FAM228A: variants seen among roughly 807,000 people sequenced by gnomAD.
FAM228A encodes family with sequence similarity 228 member A, also known as protein FAM228A.
In FAM228A, 13 loss-of-function variants were observed where a neutral mutation model predicts 18.6. That is an observed-to-expected ratio of 0.70 (90% confidence interval 0.45 to 1.11). The LOEUF is 1.11. Ranked by LOEUF, FAM228A falls within the 50% of genes least tolerant of loss-of-function variation. The pLI is 0.00. For missense variants in FAM228A, 240 were observed against 242.2 expected, an observed-to-expected ratio of 0.99 and a Z score of 0.06; for synonymous variants, 77 against 86.6, an observed-to-expected ratio of 0.89 and a Z score of 0.61.
chr2:24,182,843 G>T (rs566356253), intron 3 of FAM228A, among the ~76,000 whole-genome samples: 1 of 152,240 alleles, frequency 6.6e-6, no homozygotes, highest in East Asian at 1.9e-4. Context: ...ACAGAAGTGC[G>T]TCTCTTCTAT....
chr2:24,182,420 G>C (rs1269014646), intron 3 of FAM228A, among the ~76,000 whole-genome samples: 1 of 152,176 alleles, frequency 6.6e-6, no homozygotes, highest in African/African-American at 2.4e-5. Flanking sequence ...AGTTTATTCA[G>C]TAATTGTTTA....
chr2:24,179,113 A>G (rs1667758407), intron 3 of FAM228A: 3 of 1,030,680 alleles, frequency 2.9e-6, no homozygotes, highest in Non-Finnish European at 2.4e-6. Context: ...TTCACTAGAG[A>G]TTGGATATGT....
rs1397239028 is a variant in FAM228A at position 24,190,888 on chromosome 2, C to A, written c.*257C>A. On this transcript the variant is annotated 3_prime_UTR_variant, in exon 6 of 6. Transcript: ENST00000295150. ...GGCCAACCTGGCCACAGGGGCTTTT[C>A]CCCCTGAGATTTCTTCAGCGCCTTC... 1.7e-6 allele frequency: 2 copies of A among 1,186,948 alleles called. No individual in the cohort carries two copies. The highest frequency in any genetic ancestry group is 3.1e-5 in the African/African-American group (2 of 63,794). The allele number at this position is 1,186,948 out of a possible 1,614,324, so 73.5% of individuals were successfully genotyped here. A position where few individuals can be genotyped will look rare whatever the true frequency, so the allele number is the denominator to read the frequency against.
At chr2:24,181,230 T>C (rs2151043290) in intron 3 of FAM228A, among the ~76,000 whole-genome samples, 1 of 152,376 alleles carries the variant, frequency 6.6e-6, no homozygotes, top group Non-Finnish European at 1.5e-5. Context: ...GCTATGCTTT[T>C]ATATAAAAAT....
At chr2:24,178,755 C>T (rs994981230) in intron 3 of FAM228A, among the ~76,000 whole-genome samples, 1 of 152,130 alleles carries the variant, frequency 6.6e-6, no homozygotes, top group African/African-American at 2.4e-5. Context: ...CCCAGACTTT[C>T]CTGATGGTGA....
At chr2:24,188,526 A>G (rs983355384) in intron 5 of FAM228A, 3 of 985,202 alleles carry the variant, frequency 3.0e-6, no homozygotes, top group Non-Finnish European at 3.6e-6. Flanking sequence ...TCTTAGCGGG[A>G]GGGTGATGTT....
At position 24,191,422 on chromosome 2, in the gene FAM228A, A is replaced by T. The variant is rs547625655; in HGVS notation, c.*791A>T. ...CCCCGGTCTCTCCAGGGAGTAAGGG[A>T]TTCTCCGTCTGTGGTAAGTTACCTG... is the stretch of plus-strand genomic sequence containing the variant. On this transcript the variant is annotated 3_prime_UTR_variant, in exon 6 of 6. Transcript: ENST00000295150. 650 of 985,340 alleles carry T rather than the reference A, an allele frequency of 6.6e-4. 5 individuals are homozygous for T. The highest frequency in any genetic ancestry group is 5.9e-4 in the Non-Finnish European group (492 of 829,870). The allele number at this position is 985,340 out of a possible 1,614,324, so 61.0% of individuals were successfully genotyped here. A position where few individuals can be genotyped will look rare whatever the true frequency, so the allele number is the denominator to read the frequency against.
At chr2:24,190,389 A>G (rs538503138) in intron 5 of FAM228A, 23 bp from the exon 6 acceptor site, 1 of 1,577,124 alleles carries the variant, frequency 6.3e-7, no homozygotes, top group South Asian at 1.2e-5. Context: ...AATCGAGACA[A>G]TTTTTTCTGC....
intron 3 of FAM228A, chr2:24,179,076 A>G (rs1667757624): frequency 2.3e-6 from 2 of 866,778 alleles, no homozygotes; most frequent in South Asian, 7.6e-5. Context: ...ACATTTCTTT[A>G]TAATTTATTT....
chr2:24,177,072 T>C (rs2151040171), intron 2 of FAM228A, among the ~76,000 whole-genome samples: 1 of 152,332 alleles, frequency 6.6e-6, no homozygotes, highest in Non-Finnish European at 1.5e-5. Context: ...CCAGTTGAAC[T>C]AAAGGGAACT....
At chr2:24,185,277 C>G (rs1440458462) in intron 5 of FAM228A, among the ~76,000 whole-genome samples, 1 of 152,082 alleles carries the variant, frequency 6.6e-6, no homozygotes, top group Non-Finnish European at 1.5e-5. Context: ...CCCTGCTGTT[C>G]TGCAGTGTAG....
intron 3 of FAM228A, among the ~76,000 whole-genome samples, chr2:24,180,688 T>C (rs1667796458): frequency 6.6e-6 from 1 of 152,194 alleles, no homozygotes; most frequent in Admixed American, 6.5e-5. Context: ...GTAAAGTCGT[T>C]GTGAATCAAC....
chr2:24,179,053 G>T, intron 3 of FAM228A: 1 of 746,364 alleles, frequency 1.3e-6, no homozygotes, highest in Middle Eastern at 5.4e-4. Context: ...TTACTCGAAT[G>T]ATAGTAAATG....
At chr2:24,181,873 CAAAGT>C (rs1479753603) in intron 3 of FAM228A, among the ~76,000 whole-genome samples, 1 of 152,034 alleles carries the variant, frequency 6.6e-6, no homozygotes, top group East Asian at 1.9e-4. Context: ...AATAGGAACT[CAAAGT>C]AATTTAGACT....
chr2:24,178,470 A>T (rs1667743891), intron 3 of FAM228A, among the ~76,000 whole-genome samples: 1 of 152,180 alleles, frequency 6.6e-6, no homozygotes, highest in African/African-American at 2.4e-5. Context: ...GCTACTCAGG[A>T]GGCTGAGGCA....
intron 5 of FAM228A, among the ~76,000 whole-genome samples, chr2:24,184,252 T>A (rs1667889153): frequency 6.6e-6 from 1 of 151,936 alleles, no homozygotes; most frequent in South Asian, 2.1e-4. Context: ...TCATGGCAGA[T>A]GCCTATAATC....
Position 24,177,818 on chromosome 2 carries a change from A to T in FAM228A, c.110A>T (p.Asp37Val). 6.3e-7 allele frequency: 1 copy of T among 1,591,556 alleles called. No homozygotes were observed. Among genetic ancestry groups the T allele is most frequent in the Non-Finnish European group, 8.6e-7 (1 of 1,161,700 alleles). ...VSLMEVLARE[D>V]IDEAVCAILF... ...TAATTTTAGGTATTAGCTAGAGAAGACATTGATGAAGCAGTATGTGCAATA... is the reference window on the plus strand; with the variant it reads ...TAATTTTAGGTATTAGCTAGAGAAGTCATTGATGAAGCAGTATGTGCAATA... The change falls in exon 3 of 6, where the codon GAC becomes GTC. Residue 37 changes from aspartate (D) to valine (V), a missense_variant. Physicochemically the swap from Asp to Val is radical, Grantham distance 152. Coordinates refer to ENST00000295150, the MANE Select transcript of FAM228A (RefSeq NM_001040710.3).
intron 5 of FAM228A, among the ~76,000 whole-genome samples, chr2:24,184,113 C>T (rs1667885102): frequency 6.6e-6 from 1 of 152,172 alleles, no homozygotes; most frequent in African/African-American, 2.4e-5. Flanking sequence ...GGCACGGTGG[C>T]TCACACCTGT....
At chr2:24,181,192 C>G (rs1486849691) in intron 3 of FAM228A, among the ~76,000 whole-genome samples, 1 of 152,182 alleles carries the variant, frequency 6.6e-6, no homozygotes, top group Non-Finnish European at 1.5e-5. Flanking sequence ...GTCCAAACTA[C>G]TTCAGCAGTT....
Sources: gnomAD v4.1 joint callset for allele counts (sites outside exome capture counted in the v4.1 genomes callset) on GRCh38, gnomAD v4.1.1 for gene constraint, MANE v1.5 for transcripts, NCBI Gene and HGNC (gene_info 2026-07-23, HGNC 2026-07-21) for gene names.